KANK3: variants seen among roughly 807,000 people sequenced by gnomAD.
KANK3 encodes the protein KN motif and ankyrin repeat domain-containing protein 3.
In KANK3, 61 loss-of-function variants were observed where a neutral mutation model predicts 65.4. The ratio of observed to expected loss-of-function variants is 0.93; its 90% CI spans 0.76 to 1.15. KANK3 has a LOEUF of 1.15. Among genes scored for constraint, KANK3 ranks in the 50% most tolerant of loss-of-function variants. The probability of loss-of-function intolerance (pLI) is 0.00; values close to 1 mark genes in which losing one functional copy is unlikely to be tolerated. For synonymous variants in KANK3, 586 were observed against 543.3 expected (o/e 1.08, Z -1.09); for missense variants, 1,187 against 1,178.8 (o/e 1.01, Z -0.10).
chr19:8,335,002 C>G lies in KANK3; in HGVS notation c.825G>C (p.Leu275=). ...ASPRADSPDG[L]AAGRSEGALQ... is the part of the protein sequence containing the mutation. ...GCGCGCCCTCGCTGCGCCCTGCAGC[C>G]AGGCCGTCTGGGCTGTCAGCCCGGG... Residue 275 remains leucine, a synonymous_variant, in exon 3 of 11, where the codon CTG becomes CTC. Transcript: ENST00000330915. The G allele has an allele frequency of 1.4e-6, 2 of 1,481,246 alleles. No individual in the cohort carries two copies. Among genetic ancestry groups the G allele is most frequent in the Middle Eastern group, 2.3e-4 (1 of 4,360 alleles). The allele number at this position is 1,481,246 out of a possible 1,614,324, so 91.8% of individuals were successfully genotyped here.
chr19:8,342,831 TC>T (rs1191455414), intron 1 of KANK3, among the ~76,000 whole-genome samples: 1 of 152,024 alleles, frequency 6.6e-6, no homozygotes, highest in Non-Finnish European at 1.5e-5. Context: ...TGTCTGCGGG[TC>T]CGGGGGCCGT....
At chr19:8,324,918 T>C in intron 8 of KANK3, 33 bp downstream of exon 8, 2 of 1,608,232 alleles carry the variant, frequency 1.2e-6, no homozygotes, top group Non-Finnish European at 1.7e-6. Context: ...AAGTGACTCC[T>C]GGCTGAGAGC....
chr19:8,336,899 G>T lies in KANK3; in HGVS notation c.34+896C>A, dbSNP rs1010302153. On this transcript the variant is annotated intron_variant, in intron 2 of 10. Transcript: ENST00000330915. ...AGCGAGATGGAGACCAGGGTGTCCC[G>T]AGCAGAGTAAAGAAGGCAGGGGGAA... 2.0e-5 allele frequency among the ~76,000 whole-genome samples: 3 copies of T among 152,044 alleles called. No individual in the cohort carries two copies. The East Asian group carries it at 5.8e-4, about 29-fold the overall frequency.
intron 1 of KANK3, among the ~76,000 whole-genome samples, chr19:8,339,917 T>C (rs1438711743): frequency 5.0e-5 from 7 of 138,888 alleles, no homozygotes; most frequent in Non-Finnish European, 1.1e-4. Flanking sequence ...TGAGTTATGA[T>C]CATGCCACTG....
At position 8,334,418 on chromosome 19, in the gene KANK3, G is replaced by T; in HGVS notation, c.1329C>A (p.Gly443=). 2 of 1,613,820 alleles carry T rather than the reference G, an allele frequency of 1.2e-6. No individual in the cohort carries two copies. ...TCTTCTTCATGATGGATTTGAGGAT[G>T]CCTGGCGGGGATGAGATGAGGGCAC... ...MDGDRAVAPA[G]ILKSIMKKRD... is the part of the protein sequence containing the mutation. The change falls in exon 4 of 11, where the codon GGC becomes GGA. Residue 443 remains glycine, a splice_region_variant and synonymous_variant. Transcript: ENST00000330915.
Position 8,333,984 on chromosome 19 carries a change from G to A in KANK3, c.1560C>T (p.Gly520=). ...SGGGSDSGTP[G]PPSGGDIRDP... ...CCCGGATGTCCCCGCCGCTGGGAGG[G>A]CCAGGGGTGCCCGAGTCGGATCCCC... is the stretch of plus-strand genomic sequence containing the variant. Residue 520 remains glycine (G), a synonymous_variant, in exon 5 of 11, where the codon GGC becomes GGT. Transcript: ENST00000330915. This position sits in a 1 kb window ranked among gnomAD's most constrained non-coding sequence, Gnocchi z 5.0. 1.3e-6 allele frequency: 2 copies of A among 1,565,484 alleles called. No individual in the cohort carries two copies. The highest frequency in any genetic ancestry group is 1.7e-6 in the Non-Finnish European group (2 of 1,161,510).
intron 1 of KANK3, among the ~76,000 whole-genome samples, chr19:8,341,185 T>C (rs1451256716): frequency 6.6e-6 from 1 of 151,522 alleles, no homozygotes; most frequent in Non-Finnish European, 1.5e-5. Context: ...ATATTTACTA[T>C]GGGCCAGCCT....
chr19:8,324,597 C>T (rs1186539774), intron 9 of KANK3, 33 bp downstream of exon 9: 2 of 1,612,574 alleles, frequency 1.2e-6, no homozygotes, highest in Non-Finnish European at 1.7e-6. Flanking sequence ...CATGGGCACC[C>T]CCCAAGATGC....
At chr19:8,335,940 C>G (rs543905142) in intron 2 of KANK3, 148 bp from the exon 3 acceptor site, 1 of 542,262 alleles carries the variant, frequency 1.8e-6, no homozygotes, top group Admixed American at 4.4e-5. Context: ...TTAATGAGCA[C>G]CTACTCTGTG....
intron 1 of KANK3, among the ~76,000 whole-genome samples, chr19:8,340,287 TATATACACACAC>T (rs1970707901): frequency 1.6e-5 from 1 of 64,026 alleles, no homozygotes; most frequent in Admixed American, 1.9e-4. Flanking sequence ...TATATATATA[TATATACACACAC>T]ACACACACAC....
At chr19:8,341,144 TC>T (rs1970718461) in intron 1 of KANK3, among the ~76,000 whole-genome samples, 1 of 151,820 alleles carries the variant, frequency 6.6e-6, no homozygotes, top group Non-Finnish European at 1.5e-5. Context: ...AATGGATCCC[TC>T]CAGAATGTCA....
intron 7 of KANK3, among the ~76,000 whole-genome samples, chr19:8,327,348 T>C (rs889745466): frequency 4.6e-5 from 7 of 151,418 alleles, no homozygotes; most frequent in Admixed American, 3.3e-4. Context: ...CTTAAAAAAT[T>C]TGGCCGGACA....
At chr19:8,340,816 G>C (rs752267967) in intron 1 of KANK3, among the ~76,000 whole-genome samples, 2 of 152,134 alleles carry the variant, frequency 1.3e-5, no homozygotes, top group African/African-American at 4.8e-5. Flanking sequence ...GCTGTTTCCC[G>C]TCCCTTCACA....
At chr19:8,328,961 A>T (rs1970476490) in intron 7 of KANK3, among the ~76,000 whole-genome samples, 1 of 151,486 alleles carries the variant, frequency 6.6e-6, no homozygotes, top group African/African-American at 2.4e-5. Flanking sequence ...CGAGGTCAGG[A>T]GATCGAGACC....
At chr19:8,337,706 G>A in intron 2 of KANK3, 89 bp downstream of exon 2, 1 of 1,472,142 alleles carries the variant, frequency 6.8e-7, no homozygotes, top group Non-Finnish European at 9.4e-7. Context: ...CTGCACTCTA[G>A]GGCTGTAGGC....
intron 1 of KANK3, among the ~76,000 whole-genome samples, chr19:8,342,625 G>C (rs1453173384): frequency 6.6e-6 from 1 of 152,034 alleles, no homozygotes; most frequent in Non-Finnish European, 1.5e-5. Context: ...CCTTCCAGGA[G>C]GCCCTGAGTA....
In KANK3 at chr19:8,322,923, C is replaced by T. The variant is rs566119762; in HGVS notation, c.2383-1G>A. 1.3e-6 allele frequency: 2 copies of T among 1,508,870 alleles called. No homozygotes were observed. The highest frequency in any genetic ancestry group is 2.5e-5 in the South Asian group (2 of 79,190). The allele number at this position is 1,508,870 out of a possible 1,614,324, so 93.5% of individuals were successfully genotyped here. On this transcript the variant is annotated splice_acceptor_variant, in intron 10 of 10. Transcript: ENST00000330915. LOFTEE classifies it high-confidence loss of function. ...TCTGGGAGCCAGGGGGTGACTCGCTCTGGAGAGAGGGGAAAAGAGGGGGGC... is the reference window on the plus strand; with the variant it reads ...TCTGGGAGCCAGGGGGTGACTCGCTTTGGAGAGAGGGGAAAAGAGGGGGGC...
chr19:8,338,030 T>TG (rs1395556086), intron 1 of KANK3, 174 bp from the exon 2 acceptor site: 2 of 957,664 alleles, frequency 2.1e-6, no homozygotes. Context: ...TTTTTTTTTT[T>TG]TTTTTTTTTG....
At chr19:8,332,363 AG>A (rs1329212036) in intron 7 of KANK3, among the ~76,000 whole-genome samples, 3 of 151,596 alleles carry the variant, frequency 2.0e-5, no homozygotes, top group African/African-American at 7.3e-5. Flanking sequence ...TTTTTAGTAG[AG>A]ATGGGGTTTT....
Sources: gnomAD v4.1 joint callset for allele counts (sites outside exome capture counted in the v4.1 genomes callset) on GRCh38, gnomAD v4.1.1 for gene constraint, Gnocchi (gnomAD v3.1) non-coding constraint, MANE v1.5 for transcripts, NCBI Gene and HGNC (gene_info 2026-07-23, HGNC 2026-07-21) for gene names.